MDGA2: variants seen among roughly 807,000 people sequenced by gnomAD.
MDGA2 encodes the protein MAM domain-containing glycosylphosphatidylinositol anchor protein 2.
Under a neutral mutation model 117.8 loss-of-function variants are expected in MDGA2, and 40 were observed. That is an observed-to-expected ratio of 0.34 (90% CI 0.26 to 0.44). The LOEUF is 0.44. MDGA2 is among the 20% of genes least tolerant of loss of function. The probability of loss-of-function intolerance (pLI) is 1.00; values close to 1 mark genes in which losing one functional copy is unlikely to be tolerated. For synonymous variants in MDGA2, 452 were observed against 439.0 expected (o/e 1.03, Z -0.37); for missense variants, 1,123 against 1,250.6 (o/e 0.90, Z 1.54).
chr14:47,623,228 A>G (rs896902501), intron 1 of MDGA2, among the ~76,000 whole-genome samples: 1 of 152,114 alleles, frequency 6.6e-6, no homozygotes, highest in African/African-American at 2.4e-5. Context: ...TGATGCAACA[A>G]GAAGGCCCTC....
chr14:46,998,397 A>G (rs1318810880), intron 8 of MDGA2, among the ~76,000 whole-genome samples: 1 of 152,162 alleles, frequency 6.6e-6, no homozygotes, highest in Non-Finnish European at 1.5e-5. Context: ...AGGGTTATAT[A>G]AACATACGTA....
At chr14:47,617,396 G>C (rs968733333) in intron 1 of MDGA2, among the ~76,000 whole-genome samples, 18 of 151,770 alleles carry the variant, frequency 1.2e-4, no homozygotes, top group Admixed American at 6.6e-5. Flanking sequence ...GTAGAGACAG[G>C]GTTCACCATG....
intron 2 of MDGA2, among the ~76,000 whole-genome samples, chr14:47,269,507 AATCAGCAAGTAGC>A (rs1396205864): frequency 1.3e-5 from 2 of 152,188 alleles, no homozygotes; most frequent in African/African-American, 2.4e-5. Context: ...AACTCATTCT[AATCAGCAAGTAGC>A]ATTTTTTATG....
intron 1 of MDGA2, among the ~76,000 whole-genome samples, chr14:47,540,307 C>T (rs933384449): frequency 1.3e-5 from 2 of 151,982 alleles, no homozygotes; most frequent in African/African-American, 4.8e-5. Context: ...GCCACCGTGC[C>T]CGGCCCATCC....
intron 3 of MDGA2, among the ~76,000 whole-genome samples, chr14:47,214,387 A>C (rs1886009859): frequency 6.6e-6 from 1 of 152,064 alleles, no homozygotes; most frequent in Non-Finnish European, 1.5e-5. Context: ...GTTTCCTAAA[A>C]CTCTTGGAAT....
intron 3 of MDGA2, among the ~76,000 whole-genome samples, chr14:47,214,688 T>C (rs1251315091): frequency 2.0e-5 from 3 of 152,106 alleles, no homozygotes; most frequent in East Asian, 3.9e-4. Context: ...TTATTCACCA[T>C]TGTGTCAAAT....
At chr14:47,052,179 C>T (rs749705080) in intron 7 of MDGA2, among the ~76,000 whole-genome samples, 3 of 151,692 alleles carry the variant, frequency 2.0e-5, no homozygotes, top group African/African-American at 7.3e-5. Flanking sequence ...TATATCCAGT[C>T]GTTTAAAATT....
intron 4 of MDGA2, among the ~76,000 whole-genome samples, chr14:47,141,165 G>C (rs1006003663): frequency 2.6e-5 from 4 of 152,256 alleles, no homozygotes; most frequent in Admixed American, 1.3e-4. Context: ...TGTGGATGCA[G>C]AGAAAGAGGA....
intron 1 of MDGA2, among the ~76,000 whole-genome samples, chr14:47,528,463 G>A (rs1325255577): frequency 6.6e-6 from 1 of 152,182 alleles, no homozygotes; most frequent in African/African-American, 2.4e-5. Flanking sequence ...GTCAGTGGCT[G>A]TTGAAACTTG....
At chr14:47,312,854 T>C (rs1431101095) in intron 1 of MDGA2, among the ~76,000 whole-genome samples, 2 of 149,394 alleles carry the variant, frequency 1.3e-5, no homozygotes, top group South Asian at 2.1e-4. Context: ...AGAATCTTAA[T>C]AATAATGGAA....
intron 1 of MDGA2, among the ~76,000 whole-genome samples, chr14:47,478,655 C>A (rs72687655): frequency 0.012 from 1,761 of 152,286 alleles, 14 homozygotes; most frequent in South Asian, 0.022. Context: ...GGACTACGGA[C>A]ATGAGCCACT....
At chr14:47,447,409 C>T (rs1216361138) in intron 1 of MDGA2, among the ~76,000 whole-genome samples, 3 of 152,154 alleles carry the variant, frequency 2.0e-5, no homozygotes, top group South Asian at 2.1e-4. Context: ...AGGCTTCCTT[C>T]GTTGCCTCAG....
At chr14:46,934,799 T>A (rs1195797870) in intron 9 of MDGA2, among the ~76,000 whole-genome samples, 1 of 152,170 alleles carries the variant, frequency 6.6e-6, no homozygotes, top group Admixed American at 6.6e-5. Context: ...TAATTTTATA[T>A]TAAAAAAATC....
intron 8 of MDGA2, among the ~76,000 whole-genome samples, chr14:47,004,243 T>C (rs546550496): frequency 1.3e-5 from 2 of 151,984 alleles, no homozygotes; most frequent in African/African-American, 4.8e-5. Flanking sequence ...AAATTTTGTG[T>C]CAACTTTTGT....
chr14:46,929,631 A>C lies in MDGA2; in HGVS notation c.2090-9471T>G, dbSNP rs1443936000. 7.2e-5 allele frequency among the ~76,000 whole-genome samples: 2 copies of C among 27,856 alleles called. 1 individual carries two copies. Among genetic ancestry groups the C allele is most frequent in the Non-Finnish European group, 1.4e-4 (2 of 14,438 alleles). The allele number at this position is 27,856 out of a possible 152,430, so 18.3% of individuals were successfully genotyped here. Reference sequence around the variant, plus strand: ...TATATATATATATATATATATATATATATATATATATATATACATTTTTTT... The same window carrying C: ...TATATATATATATATATATATATATCTATATATATATATATACATTTTTTT... On this transcript the variant is annotated intron_variant, in intron 9 of 16. Coordinates refer to ENST00000399232, the MANE Select transcript of MDGA2 (RefSeq NM_001113498.3).
At chr14:47,152,699 TG>T (rs1883208008) in intron 3 of MDGA2, among the ~76,000 whole-genome samples, 1 of 150,482 alleles carries the variant, frequency 6.6e-6, no homozygotes, top group Non-Finnish European at 1.5e-5. Flanking sequence ...ATGAATAAGA[TG>T]AAAAAAAAAC....
At chr14:47,355,367 T>G (rs1890971129) in intron 1 of MDGA2, among the ~76,000 whole-genome samples, 1 of 152,130 alleles carries the variant, frequency 6.6e-6, no homozygotes, top group Non-Finnish European at 1.5e-5. Context: ...GAAAAGCAGA[T>G]GATTTTCTTC....
At chr14:46,989,951 A>G (rs1887021265) in intron 8 of MDGA2, among the ~76,000 whole-genome samples, 2 of 152,110 alleles carry the variant, frequency 1.3e-5, no homozygotes. Context: ...TTAAAATAAC[A>G]GCCCCAATTT....
chr14:47,639,810 T>C (rs759383270), intron 1 of MDGA2, among the ~76,000 whole-genome samples: 2 of 152,164 alleles, frequency 1.3e-5, no homozygotes, highest in African/African-American at 2.4e-5. Context: ...ACATGTGCCT[T>C]TCTGCACAGT....
Sources: allele counts gnomAD v4.1 joint callset (sites outside exome capture counted in the v4.1 genomes callset), GRCh38; gene constraint gnomAD v4.1.1; transcripts MANE v1.5; gene names NCBI Gene and HGNC (gene_info 2026-07-23, HGNC 2026-07-21).